The following MTERF4 variants were observed in gnomAD, a reference collection of about 807,000 sequenced individuals.
The protein encoded by MTERF4 is mitochondrial transcription termination factor 4.
Under a neutral mutation model 22.5 loss-of-function variants are expected in MTERF4, and 17 were observed. The ratio of observed to expected loss-of-function variants is 0.75; its 90% CI spans 0.52 to 1.13. The LOEUF (loss-of-function observed/expected upper bound fraction) is 1.13. MTERF4 is among the 50% of genes most tolerant of loss of function. The pLI, the probability that MTERF4 is intolerant of heterozygous loss-of-function variation, is 0.00. For missense variants in MTERF4, 420 were observed against 466.8 expected (o/e 0.90, Z 0.92); for synonymous variants, 165 against 175.3 (o/e 0.94, Z 0.47).
chr2:241,080,232 T>C (rs6739482), intron 4 of MTERF4, among the ~76,000 whole-genome samples: 50,182 of 152,034 alleles, frequency 0.33, 12,225 homozygotes, highest in African/African-American at 0.67. Context: ...TACAGTGAGC[T>C]GAGATCGCGA....
chr2:241,099,679 C>T lies in MTERF4; in HGVS notation c.237G>A (p.Glu79=). ...CRRNLVQCLL[E]KQGTPVVQGS... is the part of the protein sequence containing the mutation. ...CTTGTACCACAGGAGTCCCCTGCTTCTCAAGGAGGCACTGAACAAGATTCC... is the reference window on the plus strand; with the variant it reads ...CTTGTACCACAGGAGTCCCCTGCTTTTCAAGGAGGCACTGAACAAGATTCC... The change falls in exon 2 of 4, where the codon GAG becomes GAA. Residue 79 remains glutamate, a synonymous_variant. Coordinates refer to ENST00000391980, the MANE Select transcript of MTERF4 (RefSeq NM_182501.4). 6.2e-7 allele frequency: 1 copy of T among 1,614,184 alleles called. No individual in the cohort carries two copies. The highest frequency in any genetic ancestry group is 8.5e-7 in the Non-Finnish European group (1 of 1,180,032).
At chr2:241,056,209 G>A in the MTERF4 span, among the ~76,000 whole-genome samples, 10 of 152,078 alleles carry the variant, frequency 6.6e-5, no homozygotes, top group Admixed American at 6.6e-4. Flanking sequence ...TAGAAAATTT[G>A]AGCAGAGAAA....
At chr2:241,047,818 AGGT>A in the MTERF4 span, among the ~76,000 whole-genome samples, 6 of 122,150 alleles carry the variant, frequency 4.9e-5, no homozygotes, top group Non-Finnish European at 8.8e-5. Flanking sequence ...GTCCATTCCC[AGGT>A]GGTTTCTCTG....
At chr2:241,057,057 A>G in the MTERF4 span, among the ~76,000 whole-genome samples, 2,561 of 152,272 alleles carry the variant, frequency 0.017, 64 homozygotes, top group African/African-American at 0.059. Flanking sequence ...CACAAATTCA[A>G]AAAGCTCAGC....
At chr2:241,078,449 A>C (rs1221276278) in intron 4 of MTERF4, among the ~76,000 whole-genome samples, 46 of 151,796 alleles carry the variant, frequency 3.0e-4, no homozygotes, top group Admixed American at 2.5e-3. Flanking sequence ...CACTCAATGG[A>C]ACACGATTCA....
At chr2:241,055,116 CAA>C in the MTERF4 span, among the ~76,000 whole-genome samples, 9 of 125,934 alleles carry the variant, frequency 7.1e-5, no homozygotes, top group African/African-American at 2.3e-4. Flanking sequence ...GACTCTGTCT[CAA>C]AAAAAAAAAA....
chr2:241,057,036 A>C, the MTERF4 span, among the ~76,000 whole-genome samples: 6 of 152,182 alleles, frequency 3.9e-5, no homozygotes, highest in Non-Finnish European at 8.8e-5. Flanking sequence ...AAATGAAGAA[A>C]TACATCAACC....
the MTERF4 span, among the ~76,000 whole-genome samples, chr2:241,044,312 C>T: frequency 1.3e-5 from 2 of 152,118 alleles, no homozygotes; most frequent in Admixed American, 1.3e-4. Context: ...CAAGAACCCA[C>T]TCTAAGTATA....
chr2:241,050,000 G>A, the MTERF4 span: 1 of 1,130,680 alleles, frequency 8.8e-7, no homozygotes, highest in Non-Finnish European at 1.3e-6. Context: ...CCGCCGTCCT[G>A]CTTCTCTGCT....
chr2:241,096,578 T>C lies in MTERF4; in HGVS notation c.706-140A>G. The C allele has an allele frequency of 2.3e-6, 2 of 882,750 alleles. No individual in the cohort carries two copies. Among genetic ancestry groups the C allele is most frequent in the Admixed American group, 2.0e-5 (1 of 50,914 alleles). The allele number at this position is 882,750 out of a possible 1,614,324, so 54.7% of individuals were successfully genotyped here. A position where few individuals can be genotyped will look rare whatever the true frequency, so the allele number is the denominator to read the frequency against. On this transcript the variant is annotated intron_variant, in intron 3 of 3. Transcript: ENST00000391980. This position sits in a 1 kb window ranked among gnomAD's most constrained non-coding sequence, Gnocchi z 5.1. ...ACAACAGCGAATACCCAGTCTAGGA[T>C]ACTGACATTTGTGTGACAGCCAGCA... is the stretch of plus-strand genomic sequence containing the variant.
intron 4 of MTERF4, among the ~76,000 whole-genome samples, chr2:241,077,608 TG>T (rs530879814): frequency 2.0e-3 from 298 of 152,172 alleles, no homozygotes; most frequent in African/African-American, 6.8e-3. Context: ...AAATCATACC[TG>T]ATCAGAGACC....
chr2:241,092,281 ACTGGCAGCCTTT>A (rs1056117908), downstream of MTERF4: 10 of 152,232 alleles, frequency 6.6e-5, no homozygotes, highest in African/African-American at 2.4e-4. The surrounding 1 kb of genome is among the most constrained non-coding windows in gnomAD (Gnocchi z 4.6). Context: ...CAACGGCGCG[ACTGGCAGCCTTT>A]CTCTATCAAG....
At chr2:241,058,716 C>T in the MTERF4 span, among the ~76,000 whole-genome samples, 3,385 of 152,150 alleles carry the variant, frequency 0.022, 94 homozygotes, top group African/African-American at 0.071. Flanking sequence ...TTTAGGAGGC[C>T]GAGGCAGGCA....
chr2:241,070,665 C>T (rs1466844729), downstream of MTERF4, among the ~76,000 whole-genome samples: 4 of 152,220 alleles, frequency 2.6e-5, no homozygotes, highest in African/African-American at 4.8e-5. Context: ...GGGCAGAAGC[C>T]GCTCGGAGTG....
At chr2:241,076,046 C>A (rs1650621553) in intron 4 of MTERF4, among the ~76,000 whole-genome samples, 4 of 152,230 alleles carry the variant, frequency 2.6e-5, no homozygotes, top group African/African-American at 9.6e-5. Flanking sequence ...TTCACTCTAA[C>A]TTTGTAAGTC....
At chr2:241,100,099 G>GA in intron 1 of MTERF4, 1 of 575,166 alleles carries the variant, frequency 1.7e-6, no homozygotes, top group Non-Finnish European at 3.0e-6. Context: ...CACAGAGATG[G>GA]GAGTCAAGCA....
chr2:241,061,972 G>A, the MTERF4 span, among the ~76,000 whole-genome samples: 7 of 152,128 alleles, frequency 4.6e-5, no homozygotes, highest in Admixed American at 2.0e-4. Flanking sequence ...ATGTTATTCA[G>A]CAGTGAAAAT....
downstream of MTERF4, chr2:241,087,402 G>C: frequency 6.3e-7 from 1 of 1,599,396 alleles, no homozygotes; most frequent in Non-Finnish European, 8.5e-7. Context: ...GTATAAAAGA[G>C]TCTACCGAGT....
the MTERF4 span, chr2:241,051,712 C>T: frequency 3.5e-6 from 5 of 1,437,640 alleles, no homozygotes; most frequent in Non-Finnish European, 4.6e-6. This position sits in a 1 kb window ranked among gnomAD's most constrained non-coding sequence, Gnocchi z 4.7. Flanking sequence ...CAGCCTGGCC[C>T]CGTTCATCTG....
Sources: allele counts gnomAD v4.1 joint callset (sites outside exome capture counted in the v4.1 genomes callset), GRCh38; gene constraint gnomAD v4.1.1; non-coding constraint Gnocchi (gnomAD v3.1); transcripts MANE v1.5; gene names NCBI Gene and HGNC (gene_info 2026-07-23, HGNC 2026-07-21).